MASP2: variants seen among roughly 807,000 people sequenced by gnomAD.
MASP2 encodes MBL associated serine protease 2, also known as mannan-binding lectin serine protease 2.
MASP2 carries 49 observed loss-of-function variants against 57.1 expected under a neutral mutation model. The observed-to-expected ratio is 0.86, with a 90% confidence interval of 0.68 to 1.09. The LOEUF (loss-of-function observed/expected upper bound fraction) is 1.09. Ranked by LOEUF, MASP2 falls within the 50% of genes least tolerant of loss-of-function variation. The probability of loss-of-function intolerance (pLI) is 0.00; values close to 1 mark genes in which losing one functional copy is unlikely to be tolerated. For synonymous variants in MASP2, 379 were observed against 340.8 expected, an observed-to-expected ratio of 1.11 and a Z score of -1.24; for missense variants, 900 against 874.8, an observed-to-expected ratio of 1.03 and a Z score of -0.36.
At chr1:11,043,255 T>G in intron 5 of MASP2, 84 bp downstream of exon 5, 1 of 1,242,362 alleles carries the variant, frequency 8.0e-7, no homozygotes, top group Non-Finnish European at 1.1e-6. Flanking sequence ...GGGAACGTGG[T>G]GGGGGCCATG....
chr1:11,027,798 G>T, intron 10 of MASP2, 150 bp from the exon 11 acceptor site: 1 of 733,302 alleles, frequency 1.4e-6, no homozygotes, highest in Non-Finnish European at 2.2e-6. Flanking sequence ...GGCAAGTGAG[G>T]CTATTTTAAA....
At chr1:11,031,827 G>T (rs139018537) in intron 8 of MASP2, among the ~76,000 whole-genome samples, 2 of 152,166 alleles carry the variant, frequency 1.3e-5, no homozygotes, top group African/African-American at 4.8e-5. Context: ...GCAGGAGGAT[G>T]GCTTGAGCCT....
At position 11,030,871 on chromosome 1, in the gene MASP2, C is replaced by T. The variant is rs760512377; in HGVS notation, c.1099G>A (p.Gly367Ser). The T allele has an allele frequency of 1.9e-5, 30 of 1,612,322 alleles. No homozygotes were observed. The highest frequency in any genetic ancestry group is 2.7e-5 in the African/African-American group (2 of 74,772). The part of the protein sequence containing the change: ...PMPACSIVDC[G>S]PPDDLPSGRV... ...CCACTGGGTAGATCATCAGGAGGGC[C>T]ACAGTCAACAACTAAGAAAGAAGCA... The change falls in exon 9 of 11, where the codon GGC becomes AGC. Residue 367 changes from glycine to serine, a missense_variant. Coordinates refer to ENST00000400897, the MANE Select transcript of MASP2 (RefSeq NM_006610.4).
intron 6 of MASP2, among the ~76,000 whole-genome samples, chr1:11,040,027 G>A (rs1446054098): frequency 6.6e-6 from 1 of 150,614 alleles, no homozygotes; most frequent in African/African-American, 2.4e-5. Flanking sequence ...ATGGGTGGGT[G>A]GGTAGATGGA....
intron 7 of MASP2, among the ~76,000 whole-genome samples, chr1:11,037,086 T>G (rs1368019483): frequency 2.0e-5 from 3 of 152,270 alleles, no homozygotes; most frequent in African/African-American, 7.2e-5. Context: ...AGAGTCTTGC[T>G]CTGTCACCCA....
intron 6 of MASP2, among the ~76,000 whole-genome samples, chr1:11,039,610 G>T (rs1445564894): frequency 6.6e-6 from 1 of 151,702 alleles, no homozygotes; most frequent in Non-Finnish European, 1.5e-5. Flanking sequence ...TGGATGGATG[G>T]ATGGATGGAT....
chr1:11,045,755 T>C (rs1570757771), intron 3 of MASP2: 1 of 581,004 alleles, frequency 1.7e-6, no homozygotes. Flanking sequence ...ATCACCTCTG[T>C]TAAACCAGTG....
At chr1:11,039,424 G>T (rs919247934) in intron 6 of MASP2, among the ~76,000 whole-genome samples, 2 of 136,962 alleles carry the variant, frequency 1.5e-5, no homozygotes, top group African/African-American at 5.5e-5. Flanking sequence ...ATGGGTGTAT[G>T]GATAGATGGC....
intron 7 of MASP2, 118 bp from the exon 8 acceptor site, chr1:11,035,024 T>A: frequency 1.5e-6 from 1 of 669,014 alleles, no homozygotes; most frequent in Non-Finnish European, 2.5e-6. Flanking sequence ...CTGAAGGGGG[T>A]GGCAGCACAC....
At chr1:11,038,525 C>T (rs887689711) in intron 6 of MASP2, among the ~76,000 whole-genome samples, 8 of 152,206 alleles carry the variant, frequency 5.3e-5, no homozygotes, top group Non-Finnish European at 8.8e-5. Context: ...CCCAAGGCTT[C>T]AGTGCTCCCC....
chr1:11,036,150 G>A (rs923834691), intron 7 of MASP2, among the ~76,000 whole-genome samples: 2 of 152,136 alleles, frequency 1.3e-5, no homozygotes, highest in Admixed American at 6.6e-5. Flanking sequence ...AATAAAAGAA[G>A]ATGGCTTTGG....
At chr1:11,043,149 T>C in intron 5 of MASP2, 127 bp from the exon 6 acceptor site, 9 of 1,097,690 alleles carry the variant, frequency 8.2e-6, no homozygotes, top group Non-Finnish European at 1.1e-5. Flanking sequence ...TGGATTGGGG[T>C]GCCCCTCCCC....
chr1:11,033,889 T>C (rs976292557), intron 8 of MASP2, among the ~76,000 whole-genome samples: 1 of 147,260 alleles, frequency 6.8e-6, no homozygotes, highest in Admixed American at 6.8e-5. Flanking sequence ...GCCGAGATTG[T>C]CACCGCACTC....
At chr1:11,031,902 T>C (rs1643852682) in intron 8 of MASP2, among the ~76,000 whole-genome samples, 1 of 152,038 alleles carries the variant, frequency 6.6e-6, no homozygotes, top group Admixed American at 6.6e-5. Context: ...GATAGAGACT[T>C]TGTCTCCAAA....
chr1:11,039,301 G>A (rs1427736133), intron 6 of MASP2, among the ~76,000 whole-genome samples: 1 of 152,140 alleles, frequency 6.6e-6, no homozygotes, highest in Non-Finnish European at 1.5e-5. Flanking sequence ...GACATCCATA[G>A]GATGGAATGA....
rs1468561866 is a variant in MASP2 at position 11,043,506 on chromosome 1, T to G, written c.574A>C (p.Arg192=). 1 of 1,605,936 alleles carries G rather than the reference T, an allele frequency of 6.2e-7. No homozygotes were observed. Among genetic ancestry groups the G allele is most frequent in the Admixed American group, 1.7e-5 (1 of 58,850 alleles). The change falls in exon 5 of 11, where the codon AGG becomes CGG. Residue 192 remains arginine (R), a synonymous_variant. Transcript: ENST00000400897. ...TCAGGGCTGCTGAGCTCCCCAGACC[T>G]CTGGGTGAAGACCTGGCCGGAGCAC... ...ALCSGQVFTQ[R]SGELSSPEYP...
chr1:11,028,003 C>T (rs1466001913), intron 10 of MASP2, among the ~76,000 whole-genome samples: 2 of 152,116 alleles, frequency 1.3e-5, no homozygotes. Flanking sequence ...GGGTGGATCA[C>T]CTGAGGTCAG....
intron 7 of MASP2, among the ~76,000 whole-genome samples, chr1:11,036,623 G>GTC (rs1476385038): frequency 7.3e-6 from 1 of 137,018 alleles, no homozygotes; most frequent in African/African-American, 3.0e-5. Flanking sequence ...TGGGAAAAGT[G>GTC]TCTCTCTTTT....
chr1:11,027,133 G>T lies in MASP2; in HGVS notation c.1813C>A (p.Pro605Thr). 2.5e-6 allele frequency: 4 copies of T among 1,612,846 alleles called. No homozygotes were observed. ...HQKCTAAYEK[P>T]PYPRGSVTAN... ...GTTACACTTCCCCTTGGATAGGGTG[G>T]CTTTTCATATGCAGCAGTACATTTT... Residue 605 changes from proline to threonine, a missense_variant, in exon 11 of 11, where the codon CCA becomes ACA. Physicochemically the swap from Pro to Thr is conservative, Grantham distance 38. Transcript: ENST00000400897.
Sources: gnomAD v4.1 joint callset for allele counts (sites outside exome capture counted in the v4.1 genomes callset) on GRCh38, gnomAD v4.1.1 for gene constraint, MANE v1.5 for transcripts, NCBI Gene and HGNC (gene_info 2026-07-23, HGNC 2026-07-21) for gene names.